CCBE1: variants seen among roughly 807,000 people sequenced by gnomAD.
CCBE1 encodes the protein collagen and calcium binding EGF domains 1.
A neutral mutation model predicts 50.0 loss-of-function variants in CCBE1; 37 were observed. The observed-to-expected ratio is 0.74, with a 90% confidence interval of 0.57 to 0.97. The LOEUF is 0.97. Among genes scored for constraint, CCBE1 ranks in the 50% least tolerant of loss-of-function variants. CCBE1 has a pLI of 0.00. For synonymous variants in CCBE1, 234 were observed against 203.7 expected, an observed-to-expected ratio of 1.15 and a Z score of -1.27; for missense variants, 538 against 523.8, an observed-to-expected ratio of 1.03 and a Z score of -0.26.
intron 2 of CCBE1, among the ~76,000 whole-genome samples, chr18:59,661,980 C>A (rs1245912126): frequency 7.1e-6 from 1 of 139,886 alleles, no homozygotes; most frequent in African/African-American, 2.8e-5. Context: ...AAAAAAAAAT[C>A]ACTGATTGAT....
chr18:59,468,729 A>G (rs1351387334), intron 4 of CCBE1, among the ~76,000 whole-genome samples: 3 of 152,016 alleles, frequency 2.0e-5, no homozygotes, highest in Non-Finnish European at 2.9e-5. Context: ...CCTCCAGTTG[A>G]TTCTTAAATC....
At chr18:59,579,399 T>TAAAAAA (rs111786909) in intron 2 of CCBE1, among the ~76,000 whole-genome samples, 1 of 140,986 alleles carries the variant, frequency 7.1e-6, no homozygotes, top group African/African-American at 2.6e-5. Flanking sequence ...TGGGGATCTT[T>TAAAAAA]AAAAAAAAAA....
chr18:59,515,544 T>C (rs992569050), intron 2 of CCBE1, among the ~76,000 whole-genome samples: 9 of 152,230 alleles, frequency 5.9e-5, no homozygotes, highest in African/African-American at 2.2e-4. Context: ...GAGTCTATCT[T>C]TGAGCAGCAG....
intron 7 of CCBE1, among the ~76,000 whole-genome samples, chr18:59,440,109 C>T (rs1426828834): frequency 6.6e-6 from 1 of 152,210 alleles, no homozygotes; most frequent in Non-Finnish European, 1.5e-5. Flanking sequence ...GAATCAGTGG[C>T]CAGCTCCTGT....
rs149025336 is a variant in CCBE1 at position 59,495,765 on chromosome 18, G to A, written c.213-15527C>T. 3.2e-3 allele frequency among the ~76,000 whole-genome samples: 487 copies of A among 152,210 alleles called. 3 individuals carry two copies. The highest frequency in any genetic ancestry group is 0.011 in the African/African-American group (468 of 41,522). On this transcript the variant is annotated intron_variant, in intron 2 of 10. Transcript: ENST00000439986. ...TAGATGTGGCACGCACAGTAAGTTC[G>A]GTATGACAGCCCAAGATGTACGAGG...
At chr18:59,494,446 C>T (rs186708441) in intron 2 of CCBE1, among the ~76,000 whole-genome samples, 1 of 152,130 alleles carries the variant, frequency 6.6e-6, no homozygotes, top group Admixed American at 6.5e-5. Context: ...TAAAAGACTA[C>T]AGACAGAGTC....
intron 2 of CCBE1, among the ~76,000 whole-genome samples, chr18:59,674,532 T>C (rs939777410): frequency 6.6e-6 from 1 of 152,156 alleles, no homozygotes; most frequent in African/African-American, 2.4e-5. Context: ...GACAGGTTGA[T>C]GGATGCAGCA....
chr18:59,658,326 A>T (rs1568258310), intron 2 of CCBE1, among the ~76,000 whole-genome samples: 203 of 8,614 alleles, frequency 0.024, 50 homozygotes, highest in African/African-American at 0.046. Context: ...GTCTCTAAAA[A>T]AAAAAAAAAA....
chr18:59,687,979 T>C (rs1427141457), intron 2 of CCBE1, among the ~76,000 whole-genome samples: 2 of 152,118 alleles, frequency 1.3e-5, no homozygotes. Flanking sequence ...TTCTTAAGTT[T>C]AATCACTGAT....
At chr18:59,561,564 A>G (rs941454843) in intron 2 of CCBE1, among the ~76,000 whole-genome samples, 2 of 152,160 alleles carry the variant, frequency 1.3e-5, no homozygotes, top group Non-Finnish European at 2.9e-5. Context: ...CTATGCCACT[A>G]TTGTCTGTAA....
intron 2 of CCBE1, among the ~76,000 whole-genome samples, chr18:59,508,606 A>C (rs4940884): frequency 0.31 from 47,553 of 151,760 alleles, 7,965 homozygotes; most frequent in African/African-American, 0.42. Flanking sequence ...CACAAAAAAA[A>C]GAAAAGTAAA....
At chr18:59,479,615 C>T (rs184213433) in intron 3 of CCBE1, among the ~76,000 whole-genome samples, 1 of 152,306 alleles carries the variant, frequency 6.6e-6, no homozygotes, top group Admixed American at 6.5e-5. Context: ...TGAACTTGCC[C>T]AAGGTCAAAG....
rs9957968 is a variant in CCBE1, at chr18:59,485,843, C to T, written c.213-5605G>A. Among the ~76,000 whole-genome samples, 141 of 151,814 alleles carry T rather than the reference C, an allele frequency of 9.3e-4. No individual in the cohort carries two copies. The East Asian group carries it at 0.012, about 13-fold the overall frequency. ...CTCGAACTCCTGACCTCAGGTGATC[C>T]GCCCGCCTCGGCCTCCCAAAGTGCT... On this transcript the variant is annotated intron_variant, in intron 2 of 10. Coordinates refer to ENST00000439986, the MANE Select transcript of CCBE1 (RefSeq NM_133459.4).
Position 59,528,861 on chromosome 18 carries a change from C to A in CCBE1, c.213-48623G>T, listed in dbSNP as rs569427288. 1.4e-3 allele frequency among the ~76,000 whole-genome samples: 209 copies of A among 152,298 alleles called. 1 individual carries two copies. Among genetic ancestry groups the A allele is most frequent in the African/African-American group, 4.7e-3 (197 of 41,562 alleles). ...CTCTGGGAGCTCCATCCCAGAGGGG[C>A]ACTGACCTGATGCCAGTGGGAATGC... On this transcript the variant is annotated intron_variant, in intron 2 of 10. Coordinates refer to ENST00000439986, the MANE Select transcript of CCBE1 (RefSeq NM_133459.4).
In CCBE1 at chr18:59,551,771, T is replaced by C. The variant is rs576877821; in HGVS notation, c.213-71533A>G. Among the ~76,000 whole-genome samples, 16 of 152,310 alleles carry C rather than the reference T, an allele frequency of 1.1e-4. No homozygotes were observed. In the East Asian group the frequency reaches 2.3e-3, roughly 22 times the overall value. Reference sequence around the variant, plus strand: ...TGGACAAACGAAGGGGAATTCAAAGTCAGAAAGACTTACTTAGTTCAAATC... The same window carrying C: ...TGGACAAACGAAGGGGAATTCAAAGCCAGAAAGACTTACTTAGTTCAAATC... On this transcript the variant is annotated intron_variant, in intron 2 of 10. Transcript: ENST00000439986.
intron 7 of CCBE1, among the ~76,000 whole-genome samples, chr18:59,445,987 C>T (rs146951082): frequency 4.3e-4 from 65 of 152,268 alleles, no homozygotes; most frequent in Non-Finnish European, 6.3e-4. Context: ...CCACAGGCCT[C>T]GGAACTGGAC....
At chr18:59,680,166 A>G (rs941544052) in intron 2 of CCBE1, among the ~76,000 whole-genome samples, 1 of 151,890 alleles carries the variant, frequency 6.6e-6, no homozygotes, top group African/African-American at 2.4e-5. Context: ...GATTGCAGTG[A>G]GCAGAGACTG....
At chr18:59,642,678 G>C (rs532608612) in intron 2 of CCBE1, among the ~76,000 whole-genome samples, 1 of 152,292 alleles carries the variant, frequency 6.6e-6, no homozygotes, top group South Asian at 2.1e-4. Context: ...GGCCGGGCGC[G>C]GTGGCTCACG....
chr18:59,595,968 A>T lies in CCBE1; in HGVS notation c.212+100661T>A, dbSNP rs2053344932. ...AGACTTCTTGAAAATGTCCATTTTT[A>T]AAAATCTACATTTTTAAACTAAAAA... On this transcript the variant is annotated intron_variant, in intron 2 of 10. Transcript: ENST00000439986. Among the ~76,000 whole-genome samples, 5 of 152,358 alleles carry T rather than the reference A, an allele frequency of 3.3e-5. No homozygotes were observed. The Middle Eastern group carries it at 0.01, about 311-fold the overall frequency.
Sources: gnomAD v4.1 joint callset for allele counts (sites outside exome capture counted in the v4.1 genomes callset) on GRCh38, gnomAD v4.1.1 for gene constraint, MANE v1.5 for transcripts, NCBI Gene and HGNC (gene_info 2026-07-23, HGNC 2026-07-21) for gene names.